Variants in RFFL observed in about 807,000 individuals in gnomAD.
RFFL encodes the protein ring finger and FYVE like domain containing E3 ubiquitin protein ligase.
A neutral mutation model predicts 40.4 loss-of-function variants in RFFL; 16 were observed. The ratio of observed to expected loss-of-function variants is 0.40; its 90% CI spans 0.27 to 0.60. RFFL has a LOEUF of 0.60. RFFL is among the 20% of genes least tolerant of loss of function. RFFL has a pLI of 0.47. For missense variants in RFFL, 367 were observed against 451.7 expected, an observed-to-expected ratio of 0.81 and a Z score of 1.70; for synonymous variants, 154 against 167.9, an observed-to-expected ratio of 0.92 and a Z score of 0.64.
intron 1 of RFFL, among the ~76,000 whole-genome samples, chr17:35,043,642 G>T (rs745959544): frequency 8.0e-4 from 122 of 152,142 alleles, no homozygotes; most frequent in Non-Finnish European, 1.5e-3. Context: ...TGGCAGACAC[G>T]GGGAAAATTG....
At chr17:35,066,967 G>A (rs2091323684), upstream of RFFL, among the ~76,000 whole-genome samples, 1 of 151,322 alleles carries the variant, frequency 6.6e-6, no homozygotes, top group South Asian at 2.1e-4. Flanking sequence ...AATTAAACAT[G>A]AAAAATGAAG....
At chr17:35,016,248 AT>A in intron 5 of RFFL, 121 bp downstream of exon 5, 1 of 831,386 alleles carries the variant, frequency 1.2e-6, no homozygotes, top group Non-Finnish European at 2.0e-6. Flanking sequence ...CGGTGCAAAT[AT>A]GTAAGGTGTC....
intron 1 of RFFL, among the ~76,000 whole-genome samples, chr17:35,086,774 G>C (rs1184802578): frequency 6.6e-6 from 1 of 152,098 alleles, no homozygotes; most frequent in Non-Finnish European, 1.5e-5. Context: ...TAAACACTAT[G>C]ACTAGTACAA....
chr17:35,036,557 G>A (rs992074224), intron 1 of RFFL: 1 of 152,218 alleles, frequency 6.6e-6, no homozygotes, highest in Non-Finnish European at 1.5e-5. Flanking sequence ...GGCCAGTAGT[G>A]AATAAAAACA....
At chr17:35,014,960 G>T (rs1230643954) in intron 5 of RFFL, among the ~76,000 whole-genome samples, 197 bp from the exon 6 acceptor site, 4 of 152,048 alleles carry the variant, frequency 2.6e-5, no homozygotes, top group Non-Finnish European at 1.5e-5. Flanking sequence ...CGTGCATCTG[G>T]TCTACTTTTA....
At chr17:35,060,388 GT>G (rs1213998487) in intron 1 of RFFL, among the ~76,000 whole-genome samples, 1 of 152,170 alleles carries the variant, frequency 6.6e-6, no homozygotes, top group East Asian at 1.9e-4. Flanking sequence ...ACCTGATAGA[GT>G]ATATTTAACT....
In RFFL at chr17:35,010,283, G is replaced by C. The variant is rs1229825363; in HGVS notation, c.*1685C>G. ...GTGTCTGCCAAGGCGTTTAGGGTTT[G>C]CATAGTTCATCCATTGGTAATGGGA... On this transcript the variant is annotated 3_prime_UTR_variant, in exon 7 of 7. Transcript: ENST00000394597. The C allele has an allele frequency of 1.3e-5, 2 of 152,172 alleles. No homozygotes were observed. The highest frequency in any genetic ancestry group is 2.9e-5 in the Non-Finnish European group (2 of 68,034). 9.4% of individuals were successfully genotyped at this position (152,172 alleles called of 1,614,324 possible).
At chr17:35,066,638 A>C (rs1047247456), upstream of RFFL, among the ~76,000 whole-genome samples, 2 of 152,092 alleles carry the variant, frequency 1.3e-5, no homozygotes, top group East Asian at 3.9e-4. Flanking sequence ...CTCTCTTCAC[A>C]CTCTTTCCTC....
At chr17:35,043,162 G>A (rs1180474014) in intron 1 of RFFL, among the ~76,000 whole-genome samples, 1 of 152,046 alleles carries the variant, frequency 6.6e-6, no homozygotes, top group East Asian at 1.9e-4. Flanking sequence ...AAGGTGGGGG[G>A]AAAAAAAGCT....
intron 1 of RFFL, among the ~76,000 whole-genome samples, chr17:35,061,423 C>CT (rs770406140): frequency 2.6e-4 from 40 of 152,244 alleles, no homozygotes; most frequent in South Asian, 2.1e-3. Context: ...CTGATGGTGC[C>CT]TAAAAGTATT....
intron 1 of RFFL, among the ~76,000 whole-genome samples, chr17:35,085,531 G>A (rs535513615): frequency 6.6e-6 from 1 of 152,332 alleles, no homozygotes; most frequent in African/African-American, 2.4e-5. Flanking sequence ...CCAGGTTCAA[G>A]TGATTCTCCT....
At chr17:35,031,259 A>G (rs2091081291) in intron 1 of RFFL, among the ~76,000 whole-genome samples, 3 of 152,012 alleles carry the variant, frequency 2.0e-5, no homozygotes, top group African/African-American at 7.3e-5. Context: ...GGCGCCTGCT[A>G]CCATGCCTGG....
At chr17:35,032,105 A>G (rs998107845) in intron 1 of RFFL, among the ~76,000 whole-genome samples, 10 of 151,778 alleles carry the variant, frequency 6.6e-5, no homozygotes, top group African/African-American at 2.4e-4. Flanking sequence ...AAAAAAAAAA[A>G]AAAAAAGAAA....
At chr17:35,044,876 A>ATTT (rs5820098) in intron 1 of RFFL, among the ~76,000 whole-genome samples, 2 of 146,670 alleles carry the variant, frequency 1.4e-5, no homozygotes, top group African/African-American at 5.0e-5. Flanking sequence ...CTCTCATAAC[A>ATTT]TTTTTTTTTT....
intron 6 of RFFL, 29 bp downstream of exon 6, chr17:35,014,711 C>G (rs1267847601): frequency 6.2e-7 from 1 of 1,607,558 alleles, no homozygotes; most frequent in South Asian, 1.1e-5. Flanking sequence ...AGGGCCTAAG[C>G]CCATTCCCAA....
chr17:35,024,323 C>T (rs375235688), intron 2 of RFFL, among the ~76,000 whole-genome samples: 2 of 152,104 alleles, frequency 1.3e-5, no homozygotes, highest in Admixed American at 6.5e-5. Flanking sequence ...AAAGGTAACA[C>T]GGTTACCTTT....
chr17:35,055,146 C>T (rs1007651223), intron 1 of RFFL, among the ~76,000 whole-genome samples: 1 of 151,958 alleles, frequency 6.6e-6, no homozygotes, highest in African/African-American at 2.4e-5. Context: ...TCTCGATCTC[C>T]TGACCTCGTG....
chr17:35,077,353 C>CA (rs2091382319), intron 1 of RFFL, among the ~76,000 whole-genome samples: 1 of 152,166 alleles, frequency 6.6e-6, no homozygotes, highest in African/African-American at 2.4e-5. Flanking sequence ...GTGTGTGTGT[C>CA]AGACTGCTGG....
intron 1 of RFFL, among the ~76,000 whole-genome samples, chr17:35,050,656 C>G: frequency 6.7e-6 from 1 of 148,918 alleles, no homozygotes; most frequent in East Asian, 2.0e-4. Flanking sequence ...ACTCCCCAGG[C>G]TCTACAAAAA....
Sources: gnomAD v4.1 joint callset for allele counts (sites outside exome capture counted in the v4.1 genomes callset) on GRCh38, gnomAD v4.1.1 for gene constraint, MANE v1.5 for transcripts, NCBI Gene and HGNC (gene_info 2026-07-23, HGNC 2026-07-21) for gene names.